The following CTNNB1 variants were observed in gnomAD, a reference collection of about 807,000 sequenced individuals.
The protein encoded by CTNNB1 is catenin beta 1.
CTNNB1 carries 6 observed loss-of-function variants against 82.5 expected under a neutral mutation model. The ratio of observed to expected loss-of-function variants is 0.07; its 90% CI spans 0.04 to 0.14. The LOEUF is 0.14. CTNNB1 is among the 10% of genes least tolerant of loss of function. The pLI, the probability that CTNNB1 is intolerant of heterozygous loss-of-function variation, is 1.00. For missense variants in CTNNB1, 529 were observed against 980.4 expected (o/e 0.54, Z 6.15); for synonymous variants, 312 against 329.7 (o/e 0.95, Z 0.58).
chr3:41,233,126 G>A (rs2078349547), intron 7 of CTNNB1: 1 of 615,006 alleles, frequency 1.6e-6, no homozygotes, highest in South Asian at 2.0e-5. Flanking sequence ...GAAAGGAACA[G>A]TAGCTATTTG....
At chr3:41,220,035 C>T (rs2078004917) in intron 1 of CTNNB1, among the ~76,000 whole-genome samples, 2 of 151,996 alleles carry the variant, frequency 1.3e-5, no homozygotes, top group Non-Finnish European at 2.9e-5. Flanking sequence ...ACCAAAATGT[C>T]ATCATTTACT....
chr3:41,237,446 CAAAAAAAAAAA>C (rs3038134), intron 13 of CTNNB1: 2 of 65,264 alleles, frequency 3.1e-5, no homozygotes, highest in African/African-American at 1.3e-4. Context: ...GACTCCAACA[CAAAAAAAAAAA>C]AAAAAAAAAA....
intron 11 of CTNNB1, chr3:41,236,125 T>A: frequency 1.4e-6 from 1 of 717,844 alleles, no homozygotes; most frequent in Non-Finnish European, 2.3e-6. Flanking sequence ...AAATCTTAGA[T>A]CAGTTAGAGC....
Position 41,239,468 on chromosome 3 carries a change from C to CA in CTNNB1, c.*131dup. 2 of 780,194 alleles carry CA rather than the reference C, an allele frequency of 2.6e-6. No individual in the cohort carries two copies. 48.3% of individuals were successfully genotyped at this position (780,194 alleles called of 1,614,324 possible). A position where few individuals can be genotyped will look rare whatever the true frequency, so the allele number is the denominator to read the frequency against. On this transcript the variant is annotated 3_prime_UTR_variant, in exon 15 of 15. Transcript: ENST00000349496. ...GTTTAGGCTATTTGTAAATCTGCCA[C>CA]AAAAACAGGTATATACTTTGAAAGG...
intron 1 of CTNNB1, among the ~76,000 whole-genome samples, chr3:41,203,715 C>T (rs1363782975): frequency 6.6e-6 from 1 of 152,036 alleles, no homozygotes; most frequent in Non-Finnish European, 1.5e-5. Flanking sequence ...AGTGGTGGGC[C>T]ATGATGAACT....
chr3:41,221,206 C>T (rs183772006), intron 1 of CTNNB1: 21 of 152,208 alleles, frequency 1.4e-4, no homozygotes, highest in Admixed American at 1.1e-3. Flanking sequence ...AAACATTTAG[C>T]GTAGTACTTA....
intron 1 of CTNNB1, among the ~76,000 whole-genome samples, chr3:41,209,136 C>G (rs750219125): frequency 6.6e-6 from 1 of 152,180 alleles, no homozygotes; most frequent in Admixed American, 6.5e-5. Flanking sequence ...TCTTACTTCA[C>G]TAGCATTTCC....
intron 6 of CTNNB1, among the ~76,000 whole-genome samples, chr3:41,226,277 T>C (rs1229944685): frequency 1.3e-5 from 2 of 152,210 alleles, no homozygotes; most frequent in South Asian, 2.1e-4. Context: ...AGTAGGGATA[T>C]GGTAGGCAAG....
intron 1 of CTNNB1, among the ~76,000 whole-genome samples, chr3:41,223,074 C>CA (rs138678614): frequency 0.03 from 4,431 of 149,346 alleles, 208 homozygotes; most frequent in African/African-American, 0.1. Flanking sequence ...AACTCTGTCT[C>CA]AAAAAAAAAC....
At chr3:41,236,211 C>T (rs756005497) in intron 11 of CTNNB1, 138 bp from the exon 12 acceptor site, 25 of 1,063,258 alleles carry the variant, frequency 2.4e-5, no homozygotes, top group Middle Eastern at 5.6e-4. Flanking sequence ...CACCCCAAGA[C>T]ATAAAATTCA....
rs1423933928 is a variant in CTNNB1 at position 41,239,983 on chromosome 3, GCTC to G, written c.*642_*644del. 75 of 81,544 alleles carry G rather than the reference GCTC, an allele frequency of 9.2e-4. No individual in the cohort carries two copies. The highest frequency in any genetic ancestry group is 6.4e-3 in the East Asian group (44 of 6,898). The allele number at this position is 81,544 out of a possible 1,614,324, so 5.1% of individuals were successfully genotyped here. ...TACTGACTTTGCTTGCTTTGAAGTA[GCTC>G]TTTTTTTTTTTTTTTTTTTTTTTTT... On this transcript the variant is annotated 3_prime_UTR_variant, in exon 15 of 15. Transcript: ENST00000349496.
chr3:41,203,067 A>C (rs72861950), intron 1 of CTNNB1, among the ~76,000 whole-genome samples: 41 of 143,762 alleles, frequency 2.9e-4, no homozygotes, highest in African/African-American at 8.1e-4. Context: ...ACTCATGGGC[A>C]TCTCTTCTGT....
intron 1 of CTNNB1, among the ~76,000 whole-genome samples, chr3:41,215,382 CAAAAAAAAAAAA>C (rs35166040): frequency 2.0e-5 from 1 of 48,848 alleles, no homozygotes; most frequent in Non-Finnish European, 3.4e-5. Flanking sequence ...AACACCATCT[CAAAAAAAAAAAA>C]AAAAAAAAAA....
intron 1 of CTNNB1, among the ~76,000 whole-genome samples, chr3:41,214,258 C>T (rs2077864941): frequency 6.6e-6 from 1 of 152,140 alleles, no homozygotes; most frequent in Admixed American, 6.5e-5. Context: ...TCCCCAGCCC[C>T]TCTGATAGAG....
rs1162161559 is a variant in CTNNB1, at chr3:41,225,290, C to G, written c.496-44C>G. ...TAGTTTCAGAATGTCTACCCAATAC[C>G]AGTACTTGAAAACTAACGATGTTTC... On this transcript the variant is annotated intron_variant, in intron 4 of 14. Transcript: ENST00000349496. The surrounding 1 kb of genome is among the most constrained non-coding windows in gnomAD (Gnocchi z 5.3). 2.5e-6 allele frequency: 4 copies of G among 1,613,466 alleles called. No individual in the cohort carries two copies. Among genetic ancestry groups the G allele is most frequent in the Non-Finnish European group, 3.4e-6 (4 of 1,179,506 alleles).
rs529216121 is a variant in CTNNB1 at position 41,217,399 on chromosome 3, C to G, written c.-48-6622C>G. Reference sequence around the variant, plus strand: ...CACTGTATGTATGATCTTGTTGACTCTCTTACTCATTGTTATTGTAATACC... The same window carrying G: ...CACTGTATGTATGATCTTGTTGACTGTCTTACTCATTGTTATTGTAATACC... On this transcript the variant is annotated intron_variant, in intron 1 of 14. Transcript: ENST00000349496. Among the ~76,000 whole-genome samples the G allele has an allele frequency of 6.0e-4, 92 of 152,296 alleles. 1 individual carries two copies. The highest frequency in any genetic ancestry group is 1.8e-3 in the Admixed American group (27 of 15,310).
At chr3:41,230,097 T>C (rs1185614059) in intron 7 of CTNNB1, among the ~76,000 whole-genome samples, 6 of 152,154 alleles carry the variant, frequency 3.9e-5, no homozygotes, top group African/African-American at 9.7e-5. Flanking sequence ...TTCTCACTTA[T>C]TGAGAGTAAT....
intron 7 of CTNNB1, 125 bp downstream of exon 7, chr3:41,227,477 C>A: frequency 1.0e-6 from 1 of 976,698 alleles, no homozygotes; most frequent in Non-Finnish European, 1.6e-6. Flanking sequence ...CAGTTTGCAG[C>A]CAAGATTTAC....
chr3:41,226,094 C>T (rs1378014674), intron 6 of CTNNB1, among the ~76,000 whole-genome samples: 1 of 152,110 alleles, frequency 6.6e-6, no homozygotes, highest in Non-Finnish European at 1.5e-5. Flanking sequence ...ATGTGCAGTC[C>T]ACACTAGGGT....
Sources: allele counts gnomAD v4.1 joint callset (sites outside exome capture counted in the v4.1 genomes callset), GRCh38; gene constraint gnomAD v4.1.1; non-coding constraint Gnocchi (gnomAD v3.1); transcripts MANE v1.5; gene names NCBI Gene and HGNC (gene_info 2026-07-23, HGNC 2026-07-21).